ATP10A: variants seen among roughly 807,000 people sequenced by gnomAD.
ATP10A encodes ATPase phospholipid transporting 10A (putative), also known as phospholipid-transporting ATPase VA.
In ATP10A, 111 loss-of-function variants were observed where a neutral mutation model predicts 147.8. The ratio of observed to expected loss-of-function variants is 0.75; its 90% CI spans 0.64 to 0.88. The LOEUF is 0.88. ATP10A is among the 40% of genes least tolerant of loss of function. The pLI is 0.00. For synonymous variants in ATP10A, 875 were observed against 841.6 expected (o/e 1.04, Z -0.69); for missense variants, 1,927 against 1,959.0 (o/e 0.98, Z 0.31).
intron 1 of ATP10A, among the ~76,000 whole-genome samples, chr15:25,830,802 G>A (rs112597972): frequency 2.6e-5 from 4 of 152,134 alleles, no homozygotes; most frequent in Admixed American, 6.5e-5. Flanking sequence ...TTTAGTAAAC[G>A]TGCCACCTGA....
At chr15:25,699,039 A>T (rs575482200) in intron 13 of ATP10A, among the ~76,000 whole-genome samples, 1 of 152,232 alleles carries the variant, frequency 6.6e-6, no homozygotes, top group Non-Finnish European at 1.5e-5. Context: ...TTATAAATTT[A>T]ACAAAATTCA....
chr15:25,749,360 G>A (rs1176345998), intron 2 of ATP10A, among the ~76,000 whole-genome samples: 1 of 152,210 alleles, frequency 6.6e-6, no homozygotes, highest in Non-Finnish European at 1.5e-5. Flanking sequence ...AGGGAACTGT[G>A]TTCTGTGTTA....
At chr15:25,859,482 G>A (rs948999775) in intron 1 of ATP10A, among the ~76,000 whole-genome samples, 3 of 152,090 alleles carry the variant, frequency 2.0e-5, no homozygotes, top group Admixed American at 2.0e-4. Flanking sequence ...ATGATCAGAG[G>A]GGCTTCCCAC....
chr15:25,809,191 G>A (rs1432165837), intron 1 of ATP10A, among the ~76,000 whole-genome samples: 1 of 152,112 alleles, frequency 6.6e-6, no homozygotes, highest in Non-Finnish European at 1.5e-5. Context: ...ATGGGATGAA[G>A]CCACCACCAG....
At chr15:25,839,519 T>C (rs1892723252) in intron 1 of ATP10A, among the ~76,000 whole-genome samples, 3 of 152,148 alleles carry the variant, frequency 2.0e-5, no homozygotes, top group Non-Finnish European at 4.4e-5. Flanking sequence ...AGGGTAAATC[T>C]ACACTAGCCC....
chr15:25,721,720 C>T lies in ATP10A; in HGVS notation c.1300G>A (p.Glu434Lys), dbSNP rs1037199114. The stretch of plus-strand genomic sequence containing the variant: ...CATCTTCGGAAAACCATCTTATTCT[C>T]TGTCAAAGTGCCAGTTTTATCTGAG... ...IFSDKTGTLTENKMVFRRCTV... is the reference protein window; with the variant it reads ...IFSDKTGTLTKNKMVFRRCTV... The change falls in exon 7 of 21, where the codon GAG becomes AAG. Residue 434 changes from glutamate (E) to lysine (K), a missense_variant. By Grantham distance (56) the Glu-to-Lys change is moderately conservative (BLOSUM62 1). Coordinates refer to ENST00000555815, the MANE Select transcript of ATP10A (RefSeq NM_024490.4). 1.9e-6 allele frequency: 3 copies of T among 1,614,060 alleles called. No homozygotes were observed. The highest frequency in any genetic ancestry group is 2.5e-6 in the Non-Finnish European group (3 of 1,180,052).
intron 1 of ATP10A, chr15:25,861,990 G>A (rs1328403595): frequency 9.3e-6 from 3 of 323,640 alleles, no homozygotes; most frequent in Non-Finnish European, 1.2e-5. Flanking sequence ...GCCCGTGGCA[G>A]GGCTCACAAA....
intron 2 of ATP10A, among the ~76,000 whole-genome samples, chr15:25,764,052 A>G (rs900945148): frequency 2.0e-5 from 3 of 152,192 alleles, no homozygotes; most frequent in Non-Finnish European, 4.4e-5. Flanking sequence ...ACACCCATGC[A>G]ATGCAGGGCT....
In ATP10A at chr15:25,708,736, C is replaced by G. The variant is rs186568427; in HGVS notation, c.2345-436G>C. On this transcript the variant is annotated intron_variant, in intron 10 of 20. Transcript: ENST00000555815. ...CTATTAAATGGAGGCTCACGTTCTT[C>G]CTGTTAATGAAAATTCTTACTTAAT... 1.7e-3 allele frequency: 286 copies of G among 163,898 alleles called. 3 individuals carry two copies. Among genetic ancestry groups the G allele is most frequent in the Non-Finnish European group, 4.0e-4 (30 of 75,230 alleles). The allele number at this position is 163,898 out of a possible 1,614,324, so 10.2% of individuals were successfully genotyped here.
intron 6 of ATP10A, among the ~76,000 whole-genome samples, chr15:25,722,346 C>A (rs1278032761): frequency 6.6e-6 from 1 of 152,206 alleles, no homozygotes; most frequent in African/African-American, 2.4e-5. Context: ...GGGATACAAC[C>A]CCAAGTTCAG....
chr15:25,708,636 T>C (rs1901201367), intron 10 of ATP10A: 1 of 204,696 alleles, frequency 4.9e-6, no homozygotes, highest in Non-Finnish European at 9.9e-6. Context: ...TTGGCTGTTT[T>C]TAACATCCTT....
At chr15:25,733,039 G>C (rs1485968598) in intron 3 of ATP10A, among the ~76,000 whole-genome samples, 1 of 152,144 alleles carries the variant, frequency 6.6e-6, no homozygotes, top group Non-Finnish European at 1.5e-5. Flanking sequence ...ATTCAGACTT[G>C]GGTCTTCTTG....
chr15:25,800,396 C>G (rs1890882193), intron 1 of ATP10A, among the ~76,000 whole-genome samples: 2 of 152,124 alleles, frequency 1.3e-5, no homozygotes, highest in Non-Finnish European at 2.9e-5. Context: ...CCGCCTGTCC[C>G]CTGCTCCTGC....
At chr15:25,695,272 A>G in intron 13 of ATP10A, 126 bp from the exon 14 acceptor site, 22 of 834,508 alleles carry the variant, frequency 2.6e-5, no homozygotes, top group Non-Finnish European at 3.7e-5. Context: ...GCCTGCCCAG[A>G]GGCCACCCTC....
chr15:25,778,144 C>G (rs1889713247), intron 2 of ATP10A, among the ~76,000 whole-genome samples: 1 of 152,192 alleles, frequency 6.6e-6, no homozygotes, highest in African/African-American at 2.4e-5. Context: ...TCTCCTTAAC[C>G]TAAGCGTTGC....
intron 2 of ATP10A, among the ~76,000 whole-genome samples, chr15:25,762,419 G>A (rs539723040): frequency 6.6e-6 from 1 of 152,048 alleles, no homozygotes; most frequent in African/African-American, 2.4e-5. Flanking sequence ...TGGGACTACA[G>A]GAATGCACCA....
chr15:25,699,106 G>A (rs943070762), intron 13 of ATP10A, among the ~76,000 whole-genome samples: 2 of 151,966 alleles, frequency 1.3e-5, no homozygotes, highest in South Asian at 2.1e-4. Flanking sequence ...ATTCATATAC[G>A]AAGGCAACAA....
chr15:25,830,651 C>T (rs928215445), intron 1 of ATP10A, among the ~76,000 whole-genome samples: 3 of 152,192 alleles, frequency 2.0e-5, no homozygotes, highest in Admixed American at 6.5e-5. Flanking sequence ...GGCCCCCTTC[C>T]GTCTTCCCTC....
rs370858659 is a variant in ATP10A at position 25,694,976 on chromosome 15, T to C, written c.2931A>G (p.Arg977=). The part of the protein sequence containing the change: ...GRRPSLVIDG[R]SLAYALEKNL... ...TTTTCTCGAGAGCGTAGGCCAGGCT[T>C]CTCCCATCGATCACGAGGCTGGGTC... The change falls in exon 14 of 21, where the codon AGA becomes AGG. Residue 977 remains arginine, a synonymous_variant. Transcript: ENST00000555815. 65 of 1,613,980 alleles carry C rather than the reference T, an allele frequency of 4.0e-5. No homozygotes were observed. The highest frequency in any genetic ancestry group is 5.3e-5 in the Non-Finnish European group (63 of 1,180,014).
Sources: allele counts gnomAD v4.1 joint callset (sites outside exome capture counted in the v4.1 genomes callset), GRCh38; gene constraint gnomAD v4.1.1; transcripts MANE v1.5; gene names NCBI Gene and HGNC (gene_info 2026-07-23, HGNC 2026-07-21).